ZNF239: variants seen among roughly 807,000 people sequenced by gnomAD.
ZNF239 encodes zinc finger protein 239.
In ZNF239, 16 loss-of-function variants were observed where a neutral mutation model predicts 27.5. The observed-to-expected ratio is 0.58, with a 90% CI of 0.39 to 0.88. The LOEUF is 0.88. Ranked by LOEUF, ZNF239 falls within the 40% of genes least tolerant of loss-of-function variation. The pLI, the probability that ZNF239 is intolerant of heterozygous loss-of-function variation, is 0.00. For synonymous variants in ZNF239, 199 were observed against 192.6 expected (o/e 1.03, Z -0.27); for missense variants, 527 against 551.9 (o/e 0.95, Z 0.45).
At chr10:43,559,671 A>AAAAAAC (rs1160655561) in intron 3 of ZNF239, among the ~76,000 whole-genome samples, 4 of 152,214 alleles carry the variant, frequency 2.6e-5, no homozygotes, top group Middle Eastern at 3.2e-3. Context: ...CTGGTATATT[A>AAAAAAC]AAAAACAAAA....
intron 2 of ZNF239, chr10:43,570,217 T>C (rs1282819082): frequency 1.4e-5 from 14 of 985,184 alleles, no homozygotes; most frequent in Non-Finnish European, 1.7e-5. Context: ...AAGATGAAGG[T>C]AAGGATGGGT....
At chr10:43,570,447 CCA>C (rs1372364142) in intron 2 of ZNF239, 54 of 985,106 alleles carry the variant, frequency 5.5e-5, no homozygotes, top group Non-Finnish European at 6.3e-5. Flanking sequence ...TCTCTTCAGA[CCA>C]CAGAGAAAAA....
Position 43,557,989 on chromosome 10 carries a change from G to C in ZNF239, c.91C>G (p.Gln31Glu), listed in dbSNP as rs1836926486. Residue 31 changes from glutamine (Q) to glutamate (E), a missense_variant, in exon 4 of 4, where the codon CAA becomes GAA. Physicochemically the swap from Gln to Glu is conservative, Grantham distance 29. Coordinates refer to ENST00000374446, the MANE Select transcript of ZNF239 (RefSeq NM_001099282.2). ...GGAGAAGATGCTTCTCCCCACTGTTGACAAGGGGAAATATCTAGTTCAGGC... is the reference window on the plus strand; with the variant it reads ...GGAGAAGATGCTTCTCCCCACTGTTCACAAGGGGAAATATCTAGTTCAGGC... ...GEPELDISPC[Q>E]QWGEASSPIS... The C allele has an allele frequency of 1.2e-6, 2 of 1,614,026 alleles. No homozygotes were observed. Among genetic ancestry groups the C allele is most frequent in the South Asian group, 2.2e-5 (2 of 91,090 alleles).
At chr10:43,570,891 T>G in intron 2 of ZNF239, 13 of 985,204 alleles carry the variant, frequency 1.3e-5, no homozygotes, top group Non-Finnish European at 1.6e-5. Context: ...AAAGGATATG[T>G]TGGTGGACTA....
At chr10:43,572,509 C>T (rs1388670010) in intron 2 of ZNF239, among the ~76,000 whole-genome samples, 1 of 152,168 alleles carries the variant, frequency 6.6e-6, no homozygotes, top group East Asian at 1.9e-4. Flanking sequence ...ATTCAAACAA[C>T]TTCTGATGTG....
At chr10:43,570,354 G>A (rs1334802512) in intron 2 of ZNF239, 1 of 985,184 alleles carries the variant, frequency 1.0e-6, no homozygotes, top group Non-Finnish European at 1.2e-6. Context: ...CTGCCTTCAA[G>A]CTCCATCACC....
intron 3 of ZNF239, among the ~76,000 whole-genome samples, chr10:43,559,639 AGGAAT>A (rs144693701): frequency 0.027 from 4,058 of 152,318 alleles, 87 homozygotes; most frequent in Non-Finnish European, 0.04. Context: ...GAACTGTGCT[AGGAAT>A]ACAGAGTTTA....
At position 43,557,654 on chromosome 10, in the gene ZNF239, C is replaced by T; in HGVS notation, c.426G>A (p.Gln142=). The T allele has an allele frequency of 6.2e-7, 1 of 1,614,194 alleles. No individual in the cohort carries two copies. Among genetic ancestry groups the T allele is most frequent in the Middle Eastern group, 1.6e-4 (1 of 6,062 alleles). ...CAATGGGATCCAAAGATTCTTTTAA[C>T]TGGCCATTCTGGCAAGTTGCCTCAC... ...LNGEATCQNG[Q]LKESLDPIDC... Residue 142 remains glutamine, a synonymous_variant, in exon 4 of 4, where the codon CAG becomes CAA. Coordinates refer to ENST00000374446, the MANE Select transcript of ZNF239 (RefSeq NM_001099282.2).
chr10:43,564,207 G>C (rs984845042), intron 3 of ZNF239: 1 of 751,800 alleles, frequency 1.3e-6, no homozygotes, highest in African/African-American at 1.9e-5. Flanking sequence ...CTCTCCGTAA[G>C]ACACATACAC....
At chr10:43,566,679 CTAATT>C (rs1185514076) in intron 3 of ZNF239, among the ~76,000 whole-genome samples, 1 of 152,172 alleles carries the variant, frequency 6.6e-6, no homozygotes, top group Admixed American at 6.5e-5. Context: ...ATTTCCCCAT[CTAATT>C]TAAGTTCTTC....
chr10:43,574,432 C>T (rs1838233249), intron 1 of ZNF239, 108 bp downstream of exon 1: 1 of 152,256 alleles, frequency 6.6e-6, no homozygotes, highest in South Asian at 2.1e-4. Context: ...ACCATCGCCG[C>T]CCTCCCGGCT....
chr10:43,560,265 T>C (rs1213904221), intron 3 of ZNF239, among the ~76,000 whole-genome samples: 5 of 152,210 alleles, frequency 3.3e-5, no homozygotes, highest in African/African-American at 7.2e-5. Context: ...TGAGGTAATG[T>C]TGAACGTACA....
chr10:43,574,274 G>C (rs933996306), intron 1 of ZNF239, among the ~76,000 whole-genome samples: 3 of 152,232 alleles, frequency 2.0e-5, no homozygotes, highest in Admixed American at 2.0e-4. Flanking sequence ...GGAGGGAGGA[G>C]GGGCCATCGG....
At chr10:43,562,143 T>C (rs956570701) in intron 3 of ZNF239, among the ~76,000 whole-genome samples, 10 of 152,080 alleles carry the variant, frequency 6.6e-5, no homozygotes, top group Non-Finnish European at 1.0e-4. Context: ...ATCTATAATA[T>C]AGGGAAGTCA....
At chr10:43,571,104 G>T in intron 2 of ZNF239, 6 of 757,826 alleles carry the variant, frequency 7.9e-6, no homozygotes, top group Non-Finnish European at 9.6e-6. Context: ...CCTGCTTACA[G>T]TTGGGAGAGC....
chr10:43,568,053 A>G, intron 2 of ZNF239, 32 bp from the exon 3 acceptor site: 1 of 985,878 alleles, frequency 1.0e-6, no homozygotes, highest in South Asian at 4.7e-5. Flanking sequence ...TCCTCAACAA[A>G]CAACCATCTG....
Position 43,556,831 on chromosome 10 carries a change from T to C in ZNF239, c.1249A>G (p.Lys417Glu). The change falls in exon 4 of 4, where the codon AAA becomes GAA. Residue 417 changes from lysine (K) to glutamate (E), a missense_variant. By Grantham distance (56) the Lys-to-Glu change is moderately conservative. Transcript: ENST00000374446. The part of the protein sequence containing the change: ...KCGKGFSQSS[K>E]LLIHQRVHTG... ...TGTACTCTCTGGTGGATGAGGAGTT[T>C]GGAACTCTGGCTAAATCCCTTCCCA... The C allele has an allele frequency of 6.2e-7, 1 of 1,613,774 alleles. No homozygotes were observed. Among genetic ancestry groups the C allele is most frequent in the East Asian group, 2.2e-5 (1 of 44,846 alleles).
intron 2 of ZNF239, among the ~76,000 whole-genome samples, chr10:43,571,850 T>C (rs950890439): frequency 2.0e-5 from 3 of 152,112 alleles, no homozygotes; most frequent in Admixed American, 2.0e-4. Flanking sequence ...AGCCACCATG[T>C]CTGGCCTCAA....
chr10:43,573,985 AGAG>A (rs1260675333), intron 1 of ZNF239, among the ~76,000 whole-genome samples: 4 of 152,170 alleles, frequency 2.6e-5, no homozygotes, highest in South Asian at 2.1e-4. Context: ...GTTCTAGTTA[AGAG>A]GAGAAGCTTC....
Sources: allele counts gnomAD v4.1 joint callset (sites outside exome capture counted in the v4.1 genomes callset), GRCh38; gene constraint gnomAD v4.1.1; transcripts MANE v1.5; gene names NCBI Gene and HGNC (gene_info 2026-07-23, HGNC 2026-07-21).